Variants in NUP153 observed in about 807,000 individuals in gnomAD.
NUP153 encodes the protein nucleoporin 153.
NUP153 carries 27 observed loss-of-function variants against 134.6 expected under a neutral mutation model. That is an observed-to-expected ratio of 0.20 (90% CI 0.15 to 0.28). The LOEUF is 0.28. Ranked by LOEUF, NUP153 falls within the 10% of genes least tolerant of loss-of-function variation. The pLI, the probability that NUP153 is intolerant of heterozygous loss-of-function variation, is 1.00. For missense variants in NUP153, 1,821 were observed against 1,731.3 expected, an observed-to-expected ratio of 1.05 and a Z score of -0.92; for synonymous variants, 640 against 623.5, an observed-to-expected ratio of 1.03 and a Z score of -0.40.
chr6:17,648,362 A>C (rs1221305939), intron 12 of NUP153, among the ~76,000 whole-genome samples: 1 of 152,200 alleles, frequency 6.6e-6, no homozygotes, highest in East Asian at 1.9e-4. Context: ...CACGCTTGTA[A>C]TCCTAGCACT....
At position 17,615,892 on chromosome 6, in the gene NUP153, A is replaced by AC; in HGVS notation, c.*204dup. Reference sequence around the variant, plus strand: ...AAATATTTTTGCTGAAGAATCAGTCACCAGTCTAGCTATTTATTTATTTAA... The same window carrying AC: ...AAATATTTTTGCTGAAGAATCAGTCACCCAGTCTAGCTATTTATTTATTTAA... On this transcript the variant is annotated 3_prime_UTR_variant, in exon 22 of 22. Coordinates refer to ENST00000262077, the MANE Select transcript of NUP153 (RefSeq NM_005124.4). The surrounding 1 kb of genome is among the most constrained non-coding windows in gnomAD (Gnocchi z 5.7). The AC allele has an allele frequency of 2.0e-6, 1 of 499,544 alleles. No homozygotes were observed. Among genetic ancestry groups the AC allele is most frequent in the Non-Finnish European group, 3.5e-6 (1 of 283,058 alleles). The allele number at this position is 499,544 out of a possible 1,614,324, so 30.9% of individuals were successfully genotyped here.
intron 9 of NUP153, among the ~76,000 whole-genome samples, chr6:17,663,962 A>G (rs1416183352): frequency 1.3e-5 from 2 of 152,176 alleles, no homozygotes; most frequent in African/African-American, 4.8e-5. Flanking sequence ...AAACACTTAT[A>G]CATAAATGTT....
chr6:17,675,814 G>C lies in NUP153; in HGVS notation c.335-44C>G. 6.4e-7 allele frequency: 1 copy of C among 1,569,068 alleles called. No individual in the cohort carries two copies. The highest frequency in any genetic ancestry group is 8.8e-7 in the Non-Finnish European group (1 of 1,139,850). ...ATATTATGAATATACAACTTAGAGC[G>C]ATACACTACCACAAATGGTTTTTAC... On this transcript the variant is annotated intron_variant, in intron 2 of 21. Transcript: ENST00000262077. The surrounding 1 kb of genome is among the most constrained non-coding windows in gnomAD (Gnocchi z 4.4).
At position 17,706,283 on chromosome 6, in the gene NUP153, C is replaced by T; in HGVS notation, c.105G>A (p.Gln35=). ...PIKPYQQGRQ[Q]HQGILSRVTE... is the part of the protein sequence containing the mutation. ...CGGCGTCGGGGTCCCATACCTGATGCTGTTGTCGCCCCTGCTGGTAAGGCT... is the reference window on the plus strand; with the variant it reads ...CGGCGTCGGGGTCCCATACCTGATGTTGTTGTCGCCCCTGCTGGTAAGGCT... Residue 35 remains glutamine (Q), a synonymous_variant, in exon 1 of 22, where the codon CAG becomes CAA. Coordinates refer to ENST00000262077, the MANE Select transcript of NUP153 (RefSeq NM_005124.4). The surrounding 1 kb of genome is among the most constrained non-coding windows in gnomAD (Gnocchi z 5.9). 6.2e-7 allele frequency: 1 copy of T among 1,612,394 alleles called. No individual in the cohort carries two copies. Among genetic ancestry groups the T allele is most frequent in the Middle Eastern group, 1.7e-4 (1 of 6,050 alleles).
At chr6:17,616,290 G>GGGGGGGGGGGGCCCCCC in intron 21 of NUP153, 109 bp from the exon 22 acceptor site, 1 of 473,868 alleles carries the variant, frequency 2.1e-6, no homozygotes, top group Non-Finnish European at 3.9e-6. Context: ...GGTGGGGGGG[G>GGGGGGGGGGGGCCCCCC]AGTAGACTCA....
chr6:17,674,538 G>A (rs1213106173), intron 5 of NUP153, among the ~76,000 whole-genome samples: 1 of 152,168 alleles, frequency 6.6e-6, no homozygotes, highest in East Asian at 1.9e-4. Context: ...GGAGGCCGGG[G>A]TGGGCGCATC....
At chr6:17,656,791 G>A (rs1211106533) in intron 11 of NUP153, among the ~76,000 whole-genome samples, 2 of 152,198 alleles carry the variant, frequency 1.3e-5, no homozygotes, top group African/African-American at 4.8e-5. Context: ...GAGGAAGTCT[G>A]AAAAGTCCTT....
chr6:17,675,708 G>A lies in NUP153; in HGVS notation c.397C>T (p.Arg133Trp), dbSNP rs766091852. 1.1e-5 allele frequency: 17 copies of A among 1,613,858 alleles called. No homozygotes were observed. Among genetic ancestry groups the A allele is most frequent in the East Asian group, 2.2e-5 (1 of 44,884 alleles). Residue 133 changes from arginine (R) to tryptophan (W), a missense_variant, in exon 3 of 22, where the codon CGG becomes TGG. Physicochemically the swap from Arg to Trp is moderately radical, Grantham distance 101. Transcript: ENST00000262077. This position sits in a 1 kb window ranked among gnomAD's most constrained non-coding sequence, Gnocchi z 4.4. ...AACATGGAAAAATTCAGATGGCTCCGATGAAGAGAAGGCCTTGTTAACACA... is the reference window on the plus strand; with the variant it reads ...AACATGGAAAAATTCAGATGGCTCCAATGAAGAGAAGGCCTTGTTAACACA... ...PDVLTRPSLH[R>W]SHLNFSMLES...
intron 2 of NUP153, among the ~76,000 whole-genome samples, chr6:17,686,041 G>A (rs954870060): frequency 5.3e-5 from 8 of 152,050 alleles, no homozygotes; most frequent in African/African-American, 1.9e-4. Context: ...CCAACTACTT[G>A]GGAGGCTGAG....
At chr6:17,672,427 T>G (rs1581739910) in intron 5 of NUP153, among the ~76,000 whole-genome samples, 2 of 151,788 alleles carry the variant, frequency 1.3e-5, no homozygotes, top group East Asian at 3.9e-4. Context: ...AAAAAAAAAT[T>G]TAGCTGGGAA....
At chr6:17,699,041 A>G (rs1769863695) in intron 1 of NUP153, among the ~76,000 whole-genome samples, 2 of 152,176 alleles carry the variant, frequency 1.3e-5, no homozygotes, top group African/African-American at 4.8e-5. Flanking sequence ...GCAAACTGAA[A>G]TATCTATAGA....
chr6:17,634,211 A>G (rs188110962), intron 16 of NUP153, among the ~76,000 whole-genome samples: 277 of 152,260 alleles, frequency 1.8e-3, no homozygotes, highest in Admixed American at 4.1e-3. Context: ...CTCTGAAGCA[A>G]CCAGTGCCAT....
rs1035270580 is a variant in NUP153 at position 17,680,164 on chromosome 6, A to C, written c.335-4394T>G. 6.6e-6 allele frequency among the ~76,000 whole-genome samples: 1 copy of C among 152,176 alleles called. No individual in the cohort carries two copies. Among genetic ancestry groups the C allele is most frequent in the South Asian group, 2.1e-4 (1 of 4,830 alleles). ...GCGCTCAAGCACAAGCCCTGAAATA[A>C]AAGTCCTGTCTGGGAAATCTGCTTG... On this transcript the variant is annotated intron_variant, in intron 2 of 21. Transcript: ENST00000262077. The surrounding 1 kb of genome is among the most constrained non-coding windows in gnomAD (Gnocchi z 4.5).
intron 11 of NUP153, among the ~76,000 whole-genome samples, chr6:17,656,734 G>T (rs774637940): frequency 6.6e-6 from 1 of 152,188 alleles, no homozygotes; most frequent in Non-Finnish European, 1.5e-5. Context: ...CCTTAAGGTA[G>T]TATGTTTATT....
chr6:17,649,098 GT>G (rs956010079), intron 12 of NUP153, 64 bp downstream of exon 12: 91 of 1,376,772 alleles, frequency 6.6e-5, no homozygotes, highest in African/African-American at 4.6e-4. Flanking sequence ...ATAATATAGG[GT>G]TTTTTTTAAA....
intron 1 of NUP153, among the ~76,000 whole-genome samples, chr6:17,694,009 A>G (rs1404809029): frequency 2.0e-5 from 3 of 152,182 alleles, no homozygotes; most frequent in African/African-American, 4.8e-5. Context: ...ATTTTTTATT[A>G]AAACTTTTTT....
chr6:17,685,981 C>CAAAAAAATTA (rs1554145551), intron 2 of NUP153, among the ~76,000 whole-genome samples: 3 of 151,792 alleles, frequency 2.0e-5, no homozygotes, highest in African/African-American at 7.3e-5. Flanking sequence ...CTCGTCTCCA[C>CAAAAAAATTA]AAAAAAATTA....
intron 5 of NUP153, 132 bp downstream of exon 5, chr6:17,674,773 G>A (rs527277048): frequency 1.6e-5 from 13 of 815,306 alleles, no homozygotes; most frequent in South Asian, 2.8e-5. Flanking sequence ...ACTCCATCTC[G>A]AAAAAATATA....
At chr6:17,634,684 G>A (rs891627743) in intron 16 of NUP153, among the ~76,000 whole-genome samples, 5 of 152,298 alleles carry the variant, frequency 3.3e-5, no homozygotes, top group African/African-American at 1.2e-4. Flanking sequence ...TGATCTGCCT[G>A]CCTCAGCCTC....
Sources: allele counts gnomAD v4.1 joint callset (sites outside exome capture counted in the v4.1 genomes callset), GRCh38; gene constraint gnomAD v4.1.1; non-coding constraint Gnocchi (gnomAD v3.1); transcripts MANE v1.5; gene names NCBI Gene and HGNC (gene_info 2026-07-23, HGNC 2026-07-21).